Variants in NBN observed in about 807,000 individuals in gnomAD.
NBN encodes the protein nibrin.
NBN carries 88 observed loss-of-function variants against 90.8 expected under a neutral mutation model. That is an observed-to-expected ratio of 0.97 (90% CI 0.82 to 1.16). NBN has a LOEUF of 1.16. Ranked by LOEUF, NBN falls within the 50% of genes most tolerant of loss-of-function variation. The pLI, the probability that NBN is intolerant of heterozygous loss-of-function variation, is 0.00. For missense variants in NBN, 894 were observed against 869.6 expected, an observed-to-expected ratio of 1.03 and a Z score of -0.35; for synonymous variants, 328 against 295.1, an observed-to-expected ratio of 1.11 and a Z score of -1.14.
At chr8:89,955,743 G>A (rs1180538290) in intron 9 of NBN, among the ~76,000 whole-genome samples, 188 bp from the exon 10 acceptor site, 1 of 152,026 alleles carries the variant, frequency 6.6e-6, no homozygotes, top group Admixed American at 6.5e-5. Context: ...CCTGTGGAAG[G>A]ATGATACCTT....
In NBN at chr8:89,980,761, G is replaced by A. The variant is rs1176879721; in HGVS notation, c.453C>T (p.Val151=). The A allele has an allele frequency of 1.9e-6, 3 of 1,613,146 alleles. No individual in the cohort carries two copies. The highest frequency in any genetic ancestry group is 1.7e-4 in the Middle Eastern group (1 of 6,054). The part of the protein sequence containing the change: ...NNWTEECTHL[V]MVSVKVTIKT... The stretch of plus-strand genomic sequence containing the variant: ...TAATGGTAACTTTCACTGATACCAT[G>A]ACAAGGTGAGTGCATTCTTCTGTCC... The change falls in exon 4 of 16, where the codon GTC becomes GTT. Residue 151 remains valine, a synonymous_variant. Coordinates refer to ENST00000265433, the MANE Select transcript of NBN (RefSeq NM_002485.5).
chr8:89,953,445 A>C lies in NBN; in HGVS notation c.1644T>G (p.Asn548Lys). ...KSHAAEKLRS[N>K]KKREMDDVAI... ...CCACATCATCCATTTCCCTTTTTTT[A>C]TTTGATCTTAGCTTTTCTGCAGCAT... The change falls in exon 11 of 16, where the codon AAT becomes AAG. Residue 548 changes from asparagine to lysine, a missense_variant. Coordinates refer to ENST00000265433, the MANE Select transcript of NBN (RefSeq NM_002485.5). The C allele has an allele frequency of 1.2e-6, 2 of 1,613,304 alleles. No homozygotes were observed. The highest frequency in any genetic ancestry group is 1.7e-6 in the Non-Finnish European group (2 of 1,179,726).
chr8:89,982,712 A>C lies in NBN; in HGVS notation c.171+10T>G. 6.2e-7 allele frequency: 1 copy of C among 1,609,910 alleles called. No homozygotes were observed. Among genetic ancestry groups the C allele is most frequent in the Non-Finnish European group, 8.5e-7 (1 of 1,176,170 alleles). On this transcript the variant is annotated intron_variant, in intron 2 of 15. Coordinates refer to ENST00000265433, the MANE Select transcript of NBN (RefSeq NM_002485.5). The stretch of plus-strand genomic sequence containing the variant: ...TACTGGAAACTAGTGAAATAAAATT[A>C]GTAACATACCAGGTTGGTTACAGAA...
intron 14 of NBN, among the ~76,000 whole-genome samples, chr8:89,941,889 T>C (rs916477616): frequency 6.6e-6 from 1 of 152,168 alleles, no homozygotes; most frequent in Non-Finnish European, 1.5e-5. Context: ...CTTTCCTAAA[T>C]AACCCTTATT....
chr8:89,967,125 G>A (rs1418069789), intron 7 of NBN, among the ~76,000 whole-genome samples: 1 of 152,204 alleles, frequency 6.6e-6, no homozygotes, highest in Admixed American at 6.5e-5. Context: ...CTCTCCCCCA[G>A]TGTCCGTGTG....
In NBN at chr8:89,984,532, C is replaced by A. The variant is rs750391983; in HGVS notation, c.30G>T (p.Pro10=). MWKLLPAAG[P]AGGEPYRLLT... ...CTTCCCTTCTGCCCTTACCTCCTGC[C>A]GGGCCCGCGGCGGGCAGCAGTTTCC... The change falls in exon 1 of 16, where the codon CCG becomes CCT. Residue 10 remains proline (P), a synonymous_variant. Coordinates refer to ENST00000265433, the MANE Select transcript of NBN (RefSeq NM_002485.5). 6.2e-7 allele frequency: 1 copy of A among 1,613,170 alleles called. No individual in the cohort carries two copies. The highest frequency in any genetic ancestry group is 1.1e-5 in the South Asian group (1 of 91,076).
At chr8:89,946,855 CCT>C (rs1318951113) in intron 12 of NBN, among the ~76,000 whole-genome samples, 2 of 152,072 alleles carry the variant, frequency 1.3e-5, no homozygotes, top group African/African-American at 4.8e-5. Flanking sequence ...GTTAAATTTG[CCT>C]CAAGAGTCCT....
At position 89,964,448 on chromosome 8, in the gene NBN, G is replaced by A. The variant is rs1191959691; in HGVS notation, c.956C>T (p.Thr319Ile). 1 of 1,613,656 alleles carries A rather than the reference G, an allele frequency of 6.2e-7. No homozygotes were observed. The highest frequency in any genetic ancestry group is 1.7e-5 in the Admixed American group (1 of 60,004). ...EIGLAVIFMT[T>I]KNYCDPQGHP... The stretch of plus-strand genomic sequence containing the variant: ...GCCCTGAGGATCACAGTAATTCTTT[G>A]TAGTCATGAAAATCACCGCCAATCC... Residue 319 changes from threonine (T) to isoleucine (I), a missense_variant, in exon 8 of 16, where the codon ACA (threonine) becomes ATA (isoleucine). By Grantham distance (89) the Thr-to-Ile change is moderately conservative (BLOSUM62 -1). Coordinates refer to ENST00000265433, the MANE Select transcript of NBN (RefSeq NM_002485.5).
chr8:89,974,702 C>T (rs992563504), intron 5 of NBN, among the ~76,000 whole-genome samples: 10 of 152,212 alleles, frequency 6.6e-5, no homozygotes, highest in African/African-American at 1.2e-4. Flanking sequence ...GGGAAACCAC[C>T]GGTATTATAA....
At chr8:89,967,244 A>G (rs550135255) in intron 7 of NBN, among the ~76,000 whole-genome samples, 1 of 152,286 alleles carries the variant, frequency 6.6e-6, no homozygotes, top group South Asian at 2.1e-4. Context: ...TGGGTGTGTC[A>G]GTGTGCCCTG....
chr8:89,958,468 T>C (rs923678842), intron 9 of NBN, among the ~76,000 whole-genome samples: 3 of 152,218 alleles, frequency 2.0e-5, no homozygotes, highest in Admixed American at 6.5e-5. Flanking sequence ...ATATCGTCTA[T>C]GGCCACTTTC....
At chr8:89,977,284 T>A (rs1029451024) in intron 5 of NBN, among the ~76,000 whole-genome samples, 2 of 151,260 alleles carry the variant, frequency 1.3e-5, no homozygotes, top group Non-Finnish European at 2.9e-5. Context: ...CGTGTTCTCA[T>A]TGTTCCACTC....
chr8:89,984,587 C>A lies in NBN; in HGVS notation c.-26G>T. The stretch of plus-strand genomic sequence containing the variant: ...CGGTCCGGCTCCTCAGGGCTGGGGC[C>A]GACGTGCAACCGCGTAACCGGGGCT... On this transcript the variant is annotated 5_prime_UTR_variant, in exon 1 of 16. Transcript: ENST00000265433. The A allele has an allele frequency of 6.2e-7, 1 of 1,612,106 alleles. No individual in the cohort carries two copies. Among genetic ancestry groups the A allele is most frequent in the Non-Finnish European group, 8.5e-7 (1 of 1,179,472 alleles).
At chr8:89,947,988 G>A in intron 11 of NBN, 96 bp from the exon 12 acceptor site, 3 of 711,894 alleles carry the variant, frequency 4.2e-6, no homozygotes, top group South Asian at 4.0e-5. Flanking sequence ...AGTGTAAAAT[G>A]GTTCCTTTCT....
chr8:89,945,422 A>T (rs1317725890), intron 13 of NBN, among the ~76,000 whole-genome samples: 1 of 152,202 alleles, frequency 6.6e-6, no homozygotes, highest in Non-Finnish European at 1.5e-5. Context: ...GTTAATAGTA[A>T]ATGCTCACAG....
intron 11 of NBN, among the ~76,000 whole-genome samples, chr8:89,950,450 AT>A (rs11365491): frequency 0.33 from 50,187 of 150,626 alleles, 8,374 homozygotes; most frequent in East Asian, 0.45. Flanking sequence ...GTACAGACGC[AT>A]TTTTTTTTTC....
chr8:89,938,478 G>A (rs2516636), intron 14 of NBN, among the ~76,000 whole-genome samples: 70,773 of 151,196 alleles, frequency 0.47, 18,445 homozygotes, highest in African/African-American at 0.73. Flanking sequence ...GTGTGTGTGT[G>A]TATATATATA....
intron 8 of NBN, among the ~76,000 whole-genome samples, chr8:89,960,509 G>A (rs1054204836): frequency 1.2e-4 from 18 of 152,004 alleles, no homozygotes; most frequent in Admixed American, 3.3e-4. Context: ...AAAATTAGCT[G>A]GGCATGGTGG....
In NBN at chr8:89,954,615, C is replaced by T. The variant is rs1805813; in HGVS notation, c.1397+668G>A. Among the ~76,000 whole-genome samples the T allele has an allele frequency of 4.8e-3, 733 of 151,268 alleles. 11 individuals are homozygous for T. Among genetic ancestry groups the T allele is most frequent in the Middle Eastern group, 0.018 (5 of 282 alleles). On this transcript the variant is annotated intron_variant, in intron 10 of 15. Coordinates refer to ENST00000265433, the MANE Select transcript of NBN (RefSeq NM_002485.5). The stretch of plus-strand genomic sequence containing the variant: ...TATTACTGGGGAAACAGCATGAAAC[C>T]CCTGTGGAAAAGAAGTAAAGTTTAA...
Sources: gnomAD v4.1 joint callset for allele counts (sites outside exome capture counted in the v4.1 genomes callset) on GRCh38, gnomAD v4.1.1 for gene constraint, MANE v1.5 for transcripts, NCBI Gene and HGNC (gene_info 2026-07-23, HGNC 2026-07-21) for gene names.